The following SLC8A1 variants were observed in gnomAD, a reference collection of about 807,000 sequenced individuals.
SLC8A1 encodes solute carrier family 8 member A1.
SLC8A1 carries 18 observed loss-of-function variants against 68.3 expected under a neutral mutation model. That is an observed-to-expected ratio of 0.26 (90% CI 0.18 to 0.39). SLC8A1 has a LOEUF of 0.39. Among genes scored for constraint, SLC8A1 ranks in the 10% least tolerant of loss-of-function variants. The pLI is 1.00. For missense variants in SLC8A1, 985 were observed against 1,156.7 expected, an observed-to-expected ratio of 0.85 and a Z score of 2.15; for synonymous variants, 475 against 415.5, an observed-to-expected ratio of 1.14 and a Z score of -1.74.
At chr2:40,493,338 A>C (rs1576663537) in intron 1 of SLC8A1, among the ~76,000 whole-genome samples, 1 of 44,476 alleles carries the variant, frequency 2.2e-5, no homozygotes, top group African/African-American at 9.4e-5. Flanking sequence ...CTCTCTGGGG[A>C]CTGTTGTGGG....
chr2:40,276,643 C>G (rs796070078), intron 2 of SLC8A1, among the ~76,000 whole-genome samples: 27 of 152,268 alleles, frequency 1.8e-4, no homozygotes, highest in African/African-American at 6.5e-4. Flanking sequence ...AGGTTGCAGT[C>G]AAGGGCAGTA....
intron 2 of SLC8A1, among the ~76,000 whole-genome samples, chr2:40,421,941 C>T (rs1695619369): frequency 6.6e-6 from 1 of 152,080 alleles, no homozygotes; most frequent in Non-Finnish European, 1.5e-5. Flanking sequence ...TCTAATGCTT[C>T]CCATATTGTT....
rs561915286 is a variant in SLC8A1 at position 40,142,957 on chromosome 2, T to C, written c.2162-3281A>G. Among the ~76,000 whole-genome samples, 4 of 152,148 alleles carry C rather than the reference T, an allele frequency of 2.6e-5. No individual in the cohort carries two copies. The South Asian group carries it at 8.3e-4, about 32-fold the overall frequency. On this transcript the variant is annotated intron_variant, in intron 6 of 7. Transcript: ENST00000406785. ...AAATGTGTGTGTGAGTGTGTGTGTG[T>C]GTGTGTGTGAGAGCGAGAGAGAGAG...
chr2:40,220,477 C>G (rs1332469526), intron 2 of SLC8A1: 4 of 152,192 alleles, frequency 2.6e-5, no homozygotes, highest in Non-Finnish European at 5.9e-5. Context: ...GGGCACAGAT[C>G]TCTGTGCACT....
chr2:40,117,071 T>C (rs1268145296), intron 7 of SLC8A1: 2 of 152,226 alleles, frequency 1.3e-5, no homozygotes, highest in Non-Finnish European at 2.9e-5. Context: ...AAAATGCTTT[T>C]GATGCTTTTT....
intron 1 of SLC8A1, among the ~76,000 whole-genome samples, chr2:40,508,766 T>C (rs1207148595): frequency 6.6e-6 from 1 of 152,216 alleles, no homozygotes; most frequent in African/African-American, 2.4e-5. Flanking sequence ...TCTTCAGCTG[T>C]GGTTTTGTTA....
At chr2:40,139,808 T>C in intron 6 of SLC8A1, 132 bp from the exon 10 acceptor site, 1 of 886,716 alleles carries the variant, frequency 1.1e-6, no homozygotes, top group East Asian at 2.4e-5. Context: ...GGGTGAAGTT[T>C]AGGGTTTTCC....
intron 2 of SLC8A1, among the ~76,000 whole-genome samples, chr2:40,340,835 A>G (rs948873939): frequency 3.9e-5 from 6 of 152,146 alleles, no homozygotes; most frequent in Non-Finnish European, 5.9e-5. Context: ...AAAAAGTTTG[A>G]AGGAGTTATT....
intron 1 of SLC8A1, among the ~76,000 whole-genome samples, chr2:40,502,314 T>C (rs1422298588): frequency 6.6e-6 from 1 of 152,062 alleles, no homozygotes; most frequent in Non-Finnish European, 1.5e-5. Flanking sequence ...ATCTTCCCTC[T>C]CAGGTTTGCG....
intron 1 of SLC8A1, among the ~76,000 whole-genome samples, chr2:40,444,062 T>A (rs968891215): frequency 1.3e-5 from 2 of 152,140 alleles, no homozygotes; most frequent in Admixed American, 6.5e-5. Flanking sequence ...CTAGGCCAGG[T>A]ACAGTAGCTC....
chr2:40,457,045 T>C (rs1470948432), upstream of SLC8A1, among the ~76,000 whole-genome samples: 1 of 152,200 alleles, frequency 6.6e-6, no homozygotes, highest in East Asian at 1.9e-4. Flanking sequence ...TATGTCTGGG[T>C]ATCAATTTGA....
intron 2 of SLC8A1, among the ~76,000 whole-genome samples, chr2:40,319,639 C>G (rs755373753): frequency 1.4e-4 from 22 of 152,216 alleles, no homozygotes; most frequent in Middle Eastern, 3.4e-3. Context: ...TTCCGCCTGT[C>G]ACAAAGCTCC....
chr2:40,444,143 G>C (rs1405607199), intron 1 of SLC8A1, among the ~76,000 whole-genome samples: 1 of 152,018 alleles, frequency 6.6e-6, no homozygotes, highest in Non-Finnish European at 1.5e-5. Context: ...AGACCAGTCT[G>C]GGCAACATAG....
chr2:40,107,514 G>A (rs1572677534), exon 8 of SLC8A1: 1 of 151,978 alleles, frequency 6.6e-6, no homozygotes, highest in East Asian at 1.9e-4. Context: ...TGTCAGAAAT[G>A]CCTGCTAAAA....
intron 2 of SLC8A1, among the ~76,000 whole-genome samples, chr2:40,361,035 A>G (rs537520021): frequency 3.9e-5 from 6 of 152,270 alleles, no homozygotes; most frequent in South Asian, 2.1e-4. Flanking sequence ...GTCCACTAGC[A>G]GGAAGCTATC....
chr2:40,375,088 C>T (rs892641263), intron 2 of SLC8A1, among the ~76,000 whole-genome samples: 3 of 151,968 alleles, frequency 2.0e-5, no homozygotes, highest in African/African-American at 2.4e-5. Context: ...GGATTAATCA[C>T]CAAAGACTGT....
chr2:40,323,793 T>G (rs1436364664), intron 2 of SLC8A1, among the ~76,000 whole-genome samples: 1 of 152,082 alleles, frequency 6.6e-6, no homozygotes, highest in African/African-American at 2.4e-5. Context: ...TTTTAAATGT[T>G]TAAGGGATAT....
chr2:40,150,604 C>A (rs1285455779), intron 6 of SLC8A1, among the ~76,000 whole-genome samples: 3 of 152,138 alleles, frequency 2.0e-5, no homozygotes, highest in Admixed American at 1.3e-4. Context: ...GCTGCTGCCA[C>A]CCCAGACAAA....
intron 2 of SLC8A1, among the ~76,000 whole-genome samples, chr2:40,255,424 A>G (rs1054152839): frequency 1.3e-5 from 2 of 152,210 alleles, no homozygotes; most frequent in Non-Finnish European, 2.9e-5. Flanking sequence ...TTCAAAGGGA[A>G]AATGTACAAC....
Sources: gnomAD v4.1 joint callset for allele counts (sites outside exome capture counted in the v4.1 genomes callset) on GRCh38, gnomAD v4.1.1 for gene constraint, MANE v1.5 for transcripts, NCBI Gene and HGNC (gene_info 2026-07-23, HGNC 2026-07-21) for gene names.